Variants in ACP1 observed in about 807,000 individuals in gnomAD.
ACP1 encodes the protein low molecular weight phosphotyrosine protein phosphatase.
A neutral mutation model predicts 23.4 loss-of-function variants in ACP1; 23 were observed. That is an observed-to-expected ratio of 0.98 (90% CI 0.71 to 1.39). ACP1 has a LOEUF of 1.39. ACP1 is among the 40% of genes most tolerant of loss of function. ACP1 has a pLI of 0.00. For missense variants in ACP1, 180 were observed against 197.7 expected, an observed-to-expected ratio of 0.91 and a Z score of 0.54; for synonymous variants, 72 against 67.2, an observed-to-expected ratio of 1.07 and a Z score of -0.35.
At chr2:269,315 T>G (rs1457304488) in intron 1 of ACP1, 1 of 471,038 alleles carries the variant, frequency 2.1e-6, no homozygotes, top group Admixed American at 2.3e-5. Context: ...GATTTTTTAC[T>G]GCTGTGGAAA....
Position 277,679 on chromosome 2 carries a change from GGTTT to G in ACP1, c.*378_*381del. 1 of 249,408 alleles carries G rather than the reference GGTTT, an allele frequency of 4.0e-6. No individual in the cohort carries two copies. The highest frequency in any genetic ancestry group is 5.5e-5 in the South Asian group (1 of 18,160). The allele number at this position is 249,408 out of a possible 1,614,324, so 15.4% of individuals were successfully genotyped here. ...GATAATCGAGTCTACCTCTTCAGTAGGTTTGTGTGGATGGCCTGGAGGGCAGGTG... is the reference window on the plus strand; with the variant it reads ...GATAATCGAGTCTACCTCTTCAGTAGGTGTGGATGGCCTGGAGGGCAGGTG... On this transcript the variant is annotated 3_prime_UTR_variant, in exon 6 of 6. Transcript: ENST00000272065.
chr2:268,178 G>A (rs1669939731), intron 1 of ACP1, among the ~76,000 whole-genome samples: 1 of 152,228 alleles, frequency 6.6e-6, no homozygotes, highest in South Asian at 2.1e-4. Context: ...AGTTTCAGCT[G>A]TTGTTTTGAG....
At chr2:271,473 G>A (rs62114545) in intron 1 of ACP1, among the ~76,000 whole-genome samples, 4 of 152,154 alleles carry the variant, frequency 2.6e-5, no homozygotes, top group South Asian at 2.1e-4. Flanking sequence ...TCTACTGAGG[G>A]ACAGACCACT....
In ACP1 at chr2:277,704, A is replaced by G. The variant is rs1670214861; in HGVS notation, c.*400A>G. On this transcript the variant is annotated 3_prime_UTR_variant, in exon 6 of 6. Transcript: ENST00000272065. ...GGTTTGTGTGGATGGCCTGGAGGGC[A>G]GGTGCCCTCTGCTCCCCAGTGCTAC... is the stretch of plus-strand genomic sequence containing the variant. The G allele has an allele frequency of 4.3e-6, 1 of 235,124 alleles. No individual in the cohort carries two copies. Among genetic ancestry groups the G allele is most frequent in the Non-Finnish European group, 8.5e-6 (1 of 117,544 alleles). 14.6% of individuals were successfully genotyped at this position (235,124 alleles called of 1,614,324 possible). A position where few individuals can be genotyped will look rare whatever the true frequency, so the allele number is the denominator to read the frequency against.
At chr2:271,704 T>C (rs1374593594) in intron 1 of ACP1, among the ~76,000 whole-genome samples, 162 bp from the exon 2 acceptor site, 2 of 152,196 alleles carry the variant, frequency 1.3e-5, no homozygotes, top group Non-Finnish European at 2.9e-5. Context: ...CAGCAGGGTC[T>C]ACCCTCACTG....
chr2:276,913 T>C (rs1670189247), intron 4 of ACP1, 67 bp from the exon 5 acceptor site: 1 of 949,534 alleles, frequency 1.1e-6, no homozygotes, highest in Non-Finnish European at 1.6e-6. Context: ...CAGAACACCC[T>C]AGCAGATGTC....
chr2:272,276 G>A lies in ACP1; in HGVS notation c.231+126G>A, dbSNP rs369878251. 6 of 1,613,960 alleles carry A rather than the reference G, an allele frequency of 3.7e-6. No individual in the cohort carries two copies. In the African/African-American group the frequency reaches 8.0e-5, roughly 22 times the overall value. Reference sequence around the variant, plus strand: ...AGCTGTGAGCTGCCTAAGAAATCATGGCATTCACACAGCCCATAAAGCAAG... The same window carrying A: ...AGCTGTGAGCTGCCTAAGAAATCATAGCATTCACACAGCCCATAAAGCAAG... On this transcript the variant is annotated intron_variant, in intron 3 of 5. Coordinates refer to ENST00000272065, the MANE Select transcript of ACP1 (RefSeq NM_004300.4).
intron 4 of ACP1, among the ~76,000 whole-genome samples, chr2:276,692 CTTGA>C (rs1034655860): frequency 1.1e-4 from 16 of 152,100 alleles, no homozygotes; most frequent in African/African-American, 3.9e-4. Flanking sequence ...ATCTCTGAAA[CTTGA>C]TTGTCTTAAA....
At chr2:272,329 C>CTAA (rs1670068892) in intron 3 of ACP1, 179 bp downstream of exon 3, 6 of 1,601,368 alleles carry the variant, frequency 3.7e-6, no homozygotes, top group Non-Finnish European at 5.1e-6. Flanking sequence ...TGTTCAATTT[C>CTAA]TAATATATAG....
chr2:267,687 C>G (rs1161704411), intron 1 of ACP1, among the ~76,000 whole-genome samples: 3 of 152,226 alleles, frequency 2.0e-5, no homozygotes, highest in African/African-American at 7.2e-5. Context: ...ATTTGAGCGC[C>G]TGTTTTCTCA....
intron 1 of ACP1, 92 bp downstream of exon 1, chr2:265,099 CAT>C: frequency 6.6e-7 from 1 of 1,522,602 alleles, no homozygotes. Context: ...GCCTAGGAAC[CAT>C]GAGGGGGAGG....
intron 4 of ACP1, 119 bp downstream of exon 4, chr2:275,320 C>T (rs770527561): frequency 6.3e-5 from 30 of 473,980 alleles, no homozygotes; most frequent in Non-Finnish European, 1.1e-4. Context: ...TGATGGTCAC[C>T]ATATGTAGAA....
At chr2:275,307 C>A in intron 4 of ACP1, 106 bp downstream of exon 4, 2 of 540,470 alleles carry the variant, frequency 3.7e-6, no homozygotes, top group Non-Finnish European at 6.6e-6. Flanking sequence ...TTTTAATAGT[C>A]AGTGATGGTC....
Position 266,192 on chromosome 2 carries a change from G to C in ACP1, c.43+1185G>C, listed in dbSNP as rs186802763. On this transcript the variant is annotated intron_variant, in intron 1 of 5. Transcript: ENST00000272065. ...AATTTTGTCGATGGCAATAACTGTG[G>C]CTTATTTTTCATTTTGTTTTCAGCT... 14 of 152,262 alleles carry C rather than the reference G, an allele frequency of 9.2e-5. 1 individual carries two copies. In the East Asian group the frequency reaches 2.7e-3, roughly 29 times the overall value. The allele number at this position is 152,262 out of a possible 1,614,324, so 9.4% of individuals were successfully genotyped here. A position where few individuals can be genotyped will look rare whatever the true frequency, so the allele number is the denominator to read the frequency against.
In ACP1 at chr2:271,853, C is replaced by T; in HGVS notation, c.44-13C>T. ...ACCTAACCCTGTTTCCCCACCCCTC[C>T]CTTTTTTTAAAGGTAACATTTGTCG... On this transcript the variant is annotated splice_polypyrimidine_tract_variant and intron_variant, in intron 1 of 5. Transcript: ENST00000272065. The T allele has an allele frequency of 1.9e-6, 3 of 1,611,962 alleles. No individual in the cohort carries two copies. The highest frequency in any genetic ancestry group is 1.7e-6 in the Non-Finnish European group (2 of 1,178,124).
intron 3 of ACP1, among the ~76,000 whole-genome samples, chr2:274,247 G>A (rs1670115127): frequency 2.0e-5 from 3 of 152,164 alleles, no homozygotes; most frequent in African/African-American, 7.2e-5. Context: ...ACGAAATACA[G>A]TCTTTTCTAG....
At chr2:272,331 A>G (rs551957145) in intron 3 of ACP1, 181 bp downstream of exon 3, 1 of 1,599,996 alleles carries the variant, frequency 6.3e-7, no homozygotes, top group African/African-American at 1.3e-5. Context: ...TTCAATTTCT[A>G]ATATATAGAG....
intron 3 of ACP1, chr2:272,950 T>A (rs561869785): frequency 4.5e-5 from 7 of 154,668 alleles, no homozygotes; most frequent in African/African-American, 1.7e-4. Context: ...TCAACATTTT[T>A]ATACAATTTA....
intron 1 of ACP1, chr2:269,396 A>G (rs562040501): frequency 1.3e-5 from 6 of 465,682 alleles, no homozygotes; most frequent in South Asian, 9.5e-5. Context: ...AGGCTGTAGT[A>G]AGGCAGTGAG....
Sources: allele counts gnomAD v4.1 joint callset (sites outside exome capture counted in the v4.1 genomes callset), GRCh38; gene constraint gnomAD v4.1.1; transcripts MANE v1.5; gene names NCBI Gene and HGNC (gene_info 2026-07-23, HGNC 2026-07-21).